The following RIIAD1 variants were observed in gnomAD, a reference collection of about 807,000 sequenced individuals.
RIIAD1 encodes RIIa domain-containing protein 1.
Under a neutral mutation model 13.3 loss-of-function variants are expected in RIIAD1, and 15 were observed. That is an observed-to-expected ratio of 1.13 (90% CI 0.76 to 1.74). RIIAD1 has a LOEUF of 1.74. RIIAD1 is among the 40% of genes most tolerant of loss of function. RIIAD1 has a pLI of 0.00. For synonymous variants in RIIAD1, 50 were observed against 43.3 expected (o/e 1.16, Z -0.61); for missense variants, 121 against 112.2 (o/e 1.08, Z -0.35).
At chr1:151,726,962 T>C (rs1322761245) in intron 2 of RIIAD1, among the ~76,000 whole-genome samples, 1 of 152,222 alleles carries the variant, frequency 6.6e-6, no homozygotes, top group Non-Finnish European at 1.5e-5. Context: ...CATCTTTGCC[T>C]CTTGCCCCTG....
chr1:151,715,103 A>G (rs553775311), intron 4 of RIIAD1, among the ~76,000 whole-genome samples: 4 of 151,654 alleles, frequency 2.6e-5, no homozygotes, highest in Non-Finnish European at 4.4e-5. Context: ...CCTCCACCAT[A>G]GGCAGGTGGA....
At chr1:151,718,321 C>T (rs970784053), upstream of RIIAD1, among the ~76,000 whole-genome samples, 1 of 126,196 alleles carries the variant, frequency 7.9e-6, no homozygotes, top group African/African-American at 2.5e-5. Context: ...AGGAGGTAAC[C>T]AAGACACAGA....
At chr1:151,726,136 CTACTACAATCCCATGTG>C (rs1454024969) in intron 2 of RIIAD1, among the ~76,000 whole-genome samples, 1 of 152,184 alleles carries the variant, frequency 6.6e-6, no homozygotes, top group Non-Finnish European at 1.5e-5. Flanking sequence ...CTCATCCTGC[CTACTACAATCCCATGTG>C]TACTTCAAGG....
At chr1:151,725,711 T>C (rs185169965) in intron 2 of RIIAD1, among the ~76,000 whole-genome samples, 7 of 152,344 alleles carry the variant, frequency 4.6e-5, no homozygotes, top group African/African-American at 1.2e-4. Context: ...ATGTGCTCTT[T>C]TGTGCCTGTT....
At chr1:151,714,374 TAA>T (rs1673278304) in intron 3 of RIIAD1, 1 of 625,176 alleles carries the variant, frequency 1.6e-6, no homozygotes, top group African/African-American at 1.8e-5. Flanking sequence ...CTGCTCCTGG[TAA>T]AAGTCATGTT....
upstream of RIIAD1, chr1:151,721,506 C>A (rs762013638): frequency 7.0e-6 from 9 of 1,281,628 alleles, no homozygotes; most frequent in South Asian, 8.7e-5. Flanking sequence ...CTCGCCGGCT[C>A]GCGGCCGGTC....
intron 3 of RIIAD1, chr1:151,714,276 A>G (rs1673271037): frequency 1.8e-6 from 1 of 568,096 alleles, no homozygotes; most frequent in Admixed American, 3.1e-5. Flanking sequence ...CTTGGTGTCC[A>G]GAGACTTTTC....
chr1:151,719,372 C>A (rs1414945012), upstream of RIIAD1, among the ~76,000 whole-genome samples: 1 of 152,178 alleles, frequency 6.6e-6, no homozygotes. Context: ...CCACCACCCC[C>A]AAGCTCACCC....
At chr1:151,721,498 C>T, upstream of RIIAD1, 1 of 1,256,454 alleles carries the variant, frequency 8.0e-7, no homozygotes, top group Non-Finnish European at 1.0e-6. Context: ...GGCGGGGCCT[C>T]GCCGGCTCGC....
At chr1:151,721,683 C>G in intron 1 of RIIAD1, 63 bp downstream of exon 1, 1 of 1,034,188 alleles carries the variant, frequency 9.7e-7, no homozygotes, top group African/African-American at 1.7e-5. Context: ...GACTGGGGCC[C>G]CAGACTGGGA....
chr1:151,716,275 C>A (rs1673472344), intron 4 of RIIAD1: 1 of 455,426 alleles, frequency 2.2e-6, no homozygotes. Context: ...CAAACGATCT[C>A]CCTCCCAGAG....
intron 2 of RIIAD1, among the ~76,000 whole-genome samples, chr1:151,722,782 T>A (rs140367405): frequency 1.2e-3 from 190 of 152,322 alleles, no homozygotes; most frequent in African/African-American, 4.2e-3. Flanking sequence ...GTATTGTAAT[T>A]GAGCTGTCAA....
chr1:151,714,585 AG>A (rs758505461), intron 4 of RIIAD1: 1 of 1,551,954 alleles, frequency 6.4e-7, no homozygotes, highest in South Asian at 1.2e-5. Flanking sequence ...TGCAAAGGGC[AG>A]GACTCACCCC....
chr1:151,723,853 G>A (rs929231186), intron 2 of RIIAD1, among the ~76,000 whole-genome samples: 5 of 152,230 alleles, frequency 3.3e-5, no homozygotes, highest in Non-Finnish European at 7.3e-5. Flanking sequence ...GGGCAAAAGA[G>A]AGTTTAGGGA....
At chr1:151,719,109 G>A (rs1297638864), upstream of RIIAD1, among the ~76,000 whole-genome samples, 1 of 152,198 alleles carries the variant, frequency 6.6e-6, no homozygotes, top group Non-Finnish European at 1.5e-5. Flanking sequence ...ACAGCAAAAT[G>A]CGTCCAGTCC....
chr1:151,727,764 A>G (rs966059245), intron 3 of RIIAD1, 143 bp downstream of exon 3: 3 of 611,772 alleles, frequency 4.9e-6, no homozygotes, highest in African/African-American at 3.8e-5. Context: ...AGCTTTTTTC[A>G]GCTTTTTCTT....
intron 3 of RIIAD1, among the ~76,000 whole-genome samples, chr1:151,727,868 A>G (rs895382059): frequency 6.6e-6 from 1 of 152,326 alleles, no homozygotes; most frequent in Non-Finnish European, 1.5e-5. Context: ...AGATTCCCAA[A>G]GGAACATAGC....
upstream of RIIAD1, among the ~76,000 whole-genome samples, chr1:151,721,128 C>T (rs1244500652): frequency 1.3e-5 from 2 of 152,118 alleles, no homozygotes; most frequent in Non-Finnish European, 2.9e-5. Context: ...GAATGTGTAC[C>T]GGACAGAGGG....
intron 4 of RIIAD1, chr1:151,715,687 G>A (rs1571940738): frequency 8.5e-6 from 13 of 1,531,928 alleles, no homozygotes; most frequent in Admixed American, 2.0e-5. Context: ...GCCCTCCTTA[G>A]TCCTTCACCG....
Sources: allele counts gnomAD v4.1 joint callset (sites outside exome capture counted in the v4.1 genomes callset), GRCh38; gene constraint gnomAD v4.1.1; transcripts MANE v1.5; gene names NCBI Gene and HGNC (gene_info 2026-07-23, HGNC 2026-07-21).